NBEA: variants seen among roughly 807,000 people sequenced by gnomAD.
NBEA encodes neurobeachin, also known as lysosomal-trafficking regulator 2.
Under a neutral mutation model 343.4 loss-of-function variants are expected in NBEA, and 44 were observed. The observed-to-expected ratio is 0.13, with a 90% confidence interval of 0.10 to 0.16. The LOEUF is 0.16. NBEA is among the 10% of genes least tolerant of loss of function. The pLI is 1.00. For synonymous variants in NBEA, 1,175 were observed against 1,238.7 expected (o/e 0.95, Z 1.08); for missense variants, 2,555 against 3,631.3 (o/e 0.70, Z 7.62).
intron 1 of NBEA, among the ~76,000 whole-genome samples, chr13:35,012,916 G>A (rs549164286): frequency 3.7e-4 from 57 of 152,242 alleles, no homozygotes; most frequent in Middle Eastern, 6.8e-3. Flanking sequence ...TTATGGAGTG[G>A]AACTAGAGTT....
chr13:35,401,309 G>GGTTA (rs985202209), intron 38 of NBEA, among the ~76,000 whole-genome samples: 12 of 151,868 alleles, frequency 7.9e-5, no homozygotes, highest in Non-Finnish European at 1.6e-4. Context: ...CTGAGCTAAC[G>GGTTA]TGCTTAACAT....
Position 35,652,563 on chromosome 13 carries a change from C to A in NBEA, c.8035+687C>A, listed in dbSNP as rs573770058. Among the ~76,000 whole-genome samples, 17 of 148,756 alleles carry A rather than the reference C, an allele frequency of 1.1e-4. No individual in the cohort carries two copies. In the East Asian group the frequency reaches 3.4e-3, roughly 30 times the overall value. On this transcript the variant is annotated intron_variant, in intron 53 of 58. Transcript: ENST00000379939. ...GGCTGAGGGAGGAGAATGGCGTGAACCTGGGAGGCGGAGCTTGCAGTGAGC... is the reference window on the plus strand; with the variant it reads ...GGCTGAGGGAGGAGAATGGCGTGAAACTGGGAGGCGGAGCTTGCAGTGAGC...
At chr13:35,255,834 G>T (rs1412465438) in intron 34 of NBEA, among the ~76,000 whole-genome samples, 1 of 152,224 alleles carries the variant, frequency 6.6e-6, no homozygotes, top group Non-Finnish European at 1.5e-5. Context: ...CCACCATTTG[G>T]TGAGTCCCAA....
chr13:35,014,015 G>A (rs1175870385), intron 1 of NBEA, among the ~76,000 whole-genome samples: 1 of 151,954 alleles, frequency 6.6e-6, no homozygotes, highest in Admixed American at 6.5e-5. Flanking sequence ...CCCGTTTATT[G>A]TTATTATTTG....
At chr13:35,049,847 T>G (rs1277194645) in intron 5 of NBEA, among the ~76,000 whole-genome samples, 2 of 149,150 alleles carry the variant, frequency 1.3e-5, no homozygotes, top group Admixed American at 1.4e-4. Context: ...TCTGACCAAG[T>G]TTTTTTTTCT....
chr13:35,353,969 A>G (rs1320723762), intron 38 of NBEA, among the ~76,000 whole-genome samples: 1 of 152,174 alleles, frequency 6.6e-6, no homozygotes, highest in East Asian at 1.9e-4. Context: ...TTTCTGTGTT[A>G]CAGTCTTGAG....
At chr13:35,257,533 G>T (rs1463448558) in intron 34 of NBEA, among the ~76,000 whole-genome samples, 1 of 152,098 alleles carries the variant, frequency 6.6e-6, no homozygotes, top group African/African-American at 2.4e-5. Flanking sequence ...AATACTTCAT[G>T]TGGTTACAGT....
At chr13:35,548,157 A>G (rs922740372) in intron 41 of NBEA, among the ~76,000 whole-genome samples, 17 of 152,214 alleles carry the variant, frequency 1.1e-4, no homozygotes, top group African/African-American at 4.1e-4. Flanking sequence ...GACAGGTAGC[A>G]AAGGAAAAAT....
intron 38 of NBEA, among the ~76,000 whole-genome samples, chr13:35,400,847 A>C (rs2152906683): frequency 6.6e-6 from 1 of 151,906 alleles, no homozygotes; most frequent in South Asian, 2.1e-4. Flanking sequence ...ATCACTGATA[A>C]ACCTTTTTTT....
intron 51 of NBEA, among the ~76,000 whole-genome samples, chr13:35,647,323 A>G (rs2084284326): frequency 6.6e-6 from 1 of 152,144 alleles, no homozygotes; most frequent in South Asian, 2.1e-4. Context: ...GACAACAAGT[A>G]CTCTAATTTT....
chr13:34,964,888 G>A (rs2059771432), intron 1 of NBEA, among the ~76,000 whole-genome samples: 1 of 152,040 alleles, frequency 6.6e-6, no homozygotes. Flanking sequence ...AAGGATTATT[G>A]TGGTGACTAT....
intron 36 of NBEA, among the ~76,000 whole-genome samples, chr13:35,331,068 A>C (rs994237628): frequency 3.3e-5 from 5 of 152,078 alleles, no homozygotes; most frequent in Non-Finnish European, 7.4e-5. Context: ...TCTGATATGG[A>C]GCTTCATAAC....
chr13:35,645,995 A>G, intron 50 of NBEA, 64 bp downstream of exon 50: 1 of 1,088,178 alleles, frequency 9.2e-7, no homozygotes, highest in South Asian at 1.5e-5. Flanking sequence ...ATGTATTCAC[A>G]GGTTAGATTT....
At position 35,140,736 on chromosome 13, in the gene NBEA, G is replaced by A. The variant is rs150810177; in HGVS notation, c.2337-1533G>A. On this transcript the variant is annotated intron_variant, in intron 17 of 58. Transcript: ENST00000379939. ...GAGACCTTTTGCAGATGAATGGTAC[G>A]GACATAAATGGTTCATTTGATTTCT... is the stretch of plus-strand genomic sequence containing the variant. 1.5e-4 allele frequency among the ~76,000 whole-genome samples: 23 copies of A among 152,176 alleles called. No homozygotes were observed. The East Asian group carries it at 4.1e-3, about 27-fold the overall frequency.
At chr13:35,144,013 A>T (rs1396864009) in intron 18 of NBEA, among the ~76,000 whole-genome samples, 3 of 152,186 alleles carry the variant, frequency 2.0e-5, no homozygotes, top group Non-Finnish European at 4.4e-5. Context: ...CAAACAGGAT[A>T]GGTTTTACAT....
At chr13:35,589,397 G>C (rs1437967241) in intron 46 of NBEA, among the ~76,000 whole-genome samples, 2 of 152,094 alleles carry the variant, frequency 1.3e-5, no homozygotes, top group Admixed American at 1.3e-4. Flanking sequence ...GCCTGGCACA[G>C]AAAAATGCTT....
At chr13:35,081,935 A>C (rs914064487) in intron 10 of NBEA, among the ~76,000 whole-genome samples, 1 of 151,770 alleles carries the variant, frequency 6.6e-6, no homozygotes, top group Admixed American at 6.6e-5. Context: ...TTTTTATTAT[A>C]CTTTAAGTTT....
chr13:35,269,048 A>T (rs2033920232), intron 34 of NBEA, among the ~76,000 whole-genome samples: 1 of 152,118 alleles, frequency 6.6e-6, no homozygotes, highest in South Asian at 2.1e-4. Context: ...GGTTAAAGAT[A>T]CCAGATGGAA....
intron 34 of NBEA, among the ~76,000 whole-genome samples, chr13:35,238,827 T>C (rs2075354677): frequency 6.6e-6 from 1 of 152,178 alleles, no homozygotes; most frequent in Admixed American, 6.5e-5. Context: ...AGAATATTTA[T>C]GGTTTCCACG....
Sources: gnomAD v4.1 joint callset for allele counts (sites outside exome capture counted in the v4.1 genomes callset) on GRCh38, gnomAD v4.1.1 for gene constraint, MANE v1.5 for transcripts, NCBI Gene and HGNC (gene_info 2026-07-23, HGNC 2026-07-21) for gene names.